Variants in CHIC2 observed in about 807,000 individuals in gnomAD.
CHIC2 encodes the protein cysteine rich hydrophobic domain 2, also known as cysteine-rich hydrophobic domain-containing protein 2.
CHIC2 carries 14 observed loss-of-function variants against 25.9 expected under a neutral mutation model. The observed-to-expected ratio is 0.54, with a 90% CI of 0.36 to 0.85. The LOEUF is 0.85. CHIC2 is among the 40% of genes least tolerant of loss of function. The pLI is 0.01. For synonymous variants in CHIC2, 70 were observed against 72.0 expected (o/e 0.97, Z 0.14); for missense variants, 146 against 202.0 (o/e 0.72, Z 1.68).
chr4:54,042,716 C>CGAAAAAAT (rs1275435173), intron 3 of CHIC2, among the ~76,000 whole-genome samples: 1 of 149,826 alleles, frequency 6.7e-6, no homozygotes, highest in Non-Finnish European at 1.5e-5. Flanking sequence ...GATCCAGAGA[C>CGAAAAAAT]GAAAAAATGT....
At chr4:54,010,502 ATTTAC>A (rs1462842538) in intron 5 of CHIC2, among the ~76,000 whole-genome samples, 1 of 152,054 alleles carries the variant, frequency 6.6e-6, no homozygotes, top group East Asian at 1.9e-4. Flanking sequence ...AGAGGCTAGT[ATTTAC>A]TTAGAACTAA....
chr4:54,086,942 C>T, the CHIC2 span: 10 of 682,588 alleles, frequency 1.5e-5, no homozygotes, highest in African/African-American at 5.5e-5. Flanking sequence ...TCCAGAAAGC[C>T]GGGTTCTCAA....
At chr4:54,049,152 T>C (rs372128225) in intron 2 of CHIC2, 42 bp from the exon 3 acceptor site, 2 of 1,574,830 alleles carry the variant, frequency 1.3e-6, no homozygotes, top group Admixed American at 3.7e-5. Flanking sequence ...GCAATATTAA[T>C]GTCAAAAAAC....
intron 3 of CHIC2, 68 bp downstream of exon 3, chr4:54,048,887 A>T: frequency 7.7e-7 from 1 of 1,298,422 alleles, no homozygotes; most frequent in Non-Finnish European, 1.0e-6. Flanking sequence ...CAAAAAATAA[A>T]AACTAGATAA....
At chr4:54,067,282 C>CTG (rs1480694259), upstream of CHIC2, among the ~76,000 whole-genome samples, 1 of 96,524 alleles carries the variant, frequency 1.0e-5, no homozygotes, top group African/African-American at 3.8e-5. Flanking sequence ...TTTTTCCTTT[C>CTG]TGTGTGTGTG....
the CHIC2 span, chr4:54,087,491 G>A: frequency 7.3e-5 from 67 of 919,798 alleles, no homozygotes; most frequent in East Asian, 8.5e-4. Context: ...AGAATATTTC[G>A]ACGTGATGTT....
chr4:54,080,942 G>GTATA, the CHIC2 span, among the ~76,000 whole-genome samples: 1,779 of 100,764 alleles, frequency 0.018, 15 homozygotes, highest in East Asian at 0.03. Context: ...ATGTGTGTGT[G>GTATA]TATATATATA....
the CHIC2 span, among the ~76,000 whole-genome samples, chr4:54,078,624 T>C: frequency 3.9e-5 from 6 of 152,074 alleles, no homozygotes; most frequent in African/African-American, 9.7e-5. Context: ...CAAGCGATTA[T>C]CTGGCCTCAG....
intron 1 of CHIC2, among the ~76,000 whole-genome samples, chr4:54,057,681 T>C (rs1288200497): frequency 1.3e-5 from 2 of 152,206 alleles, no homozygotes; most frequent in African/African-American, 4.8e-5. Context: ...CTTTGTGCAA[T>C]ACCTGGCAGA....
intron 1 of CHIC2, among the ~76,000 whole-genome samples, chr4:54,052,238 T>C (rs1717025492): frequency 6.6e-6 from 1 of 152,210 alleles, no homozygotes; most frequent in Admixed American, 6.5e-5. Flanking sequence ...TGTTTGATAA[T>C]ATAACTGTAA....
At chr4:54,055,786 T>C (rs1717158264) in intron 1 of CHIC2, among the ~76,000 whole-genome samples, 1 of 152,202 alleles carries the variant, frequency 6.6e-6, no homozygotes, top group Non-Finnish European at 1.5e-5. Flanking sequence ...CTTTGATGCA[T>C]ATAAATCATG....
chr4:54,021,119 C>T (rs569186170), intron 3 of CHIC2, among the ~76,000 whole-genome samples: 96 of 152,290 alleles, frequency 6.3e-4, no homozygotes, highest in Non-Finnish European at 1.1e-3. Context: ...CTTAAAACCC[C>T]TTCAACTCAC....
intron 3 of CHIC2, among the ~76,000 whole-genome samples, chr4:54,045,188 A>T (rs1378392927): frequency 6.6e-6 from 1 of 152,244 alleles, no homozygotes; most frequent in Non-Finnish European, 1.5e-5. Context: ...GTCCAGGACC[A>T]GATGGATTCA....
At chr4:54,087,320 G>C in the CHIC2 span, 2 of 572,888 alleles carry the variant, frequency 3.5e-6, no homozygotes, top group East Asian at 5.9e-5. Flanking sequence ...ACCATGGCTT[G>C]CTGGGGACTG....
At chr4:54,086,969 C>G in the CHIC2 span, 1 of 760,284 alleles carries the variant, frequency 1.3e-6, no homozygotes, top group Non-Finnish European at 2.3e-6. Context: ...GGACAACAAT[C>G]TGCAGAAGAA....
intron 3 of CHIC2, among the ~76,000 whole-genome samples, chr4:54,036,122 A>G (rs1716375897): frequency 6.6e-6 from 1 of 152,204 alleles, no homozygotes; most frequent in Non-Finnish European, 1.5e-5. Context: ...TTGAATAAGA[A>G]CTATCTCAGT....
chr4:54,013,465 T>C (rs933833268), intron 5 of CHIC2, among the ~76,000 whole-genome samples: 1 of 152,084 alleles, frequency 6.6e-6, no homozygotes, highest in Non-Finnish European at 1.5e-5. Flanking sequence ...AAGGTTTTCT[T>C]CCATACTTGG....
At chr4:54,020,688 T>A (rs1186661585) in intron 3 of CHIC2, among the ~76,000 whole-genome samples, 1 of 152,150 alleles carries the variant, frequency 6.6e-6, no homozygotes, top group Non-Finnish European at 1.5e-5. Flanking sequence ...CCAGCCTCTC[T>A]CGCTACCCTT....
intron 1 of CHIC2, among the ~76,000 whole-genome samples, chr4:54,051,190 C>G (rs1261285280): frequency 6.6e-6 from 1 of 152,010 alleles, no homozygotes; most frequent in South Asian, 2.1e-4. Flanking sequence ...CCATAGCTCC[C>G]TATGACTCCA....
Sources: gnomAD v4.1 joint callset for allele counts (sites outside exome capture counted in the v4.1 genomes callset) on GRCh38, gnomAD v4.1.1 for gene constraint, MANE v1.5 for transcripts, NCBI Gene and HGNC (gene_info 2026-07-23, HGNC 2026-07-21) for gene names.